Variants in INPP5A observed in about 807,000 individuals in gnomAD.
INPP5A encodes the protein inositol polyphosphate-5-phosphatase A.
Under a neutral mutation model 65.2 loss-of-function variants are expected in INPP5A, and 14 were observed. That is an observed-to-expected ratio of 0.21 (90% CI 0.14 to 0.34). The LOEUF is 0.34. Ranked by LOEUF, INPP5A falls within the 10% of genes least tolerant of loss-of-function variation. The pLI is 1.00. For missense variants in INPP5A, 431 were observed against 545.6 expected, an observed-to-expected ratio of 0.79 and a Z score of 2.09; for synonymous variants, 207 against 208.3, an observed-to-expected ratio of 0.99 and a Z score of 0.05.
intron 12 of INPP5A, among the ~76,000 whole-genome samples, chr10:132,773,847 A>C (rs1846998476): frequency 6.6e-6 from 1 of 152,148 alleles, no homozygotes; most frequent in Non-Finnish European, 1.5e-5. Context: ...CTGCAGCCCC[A>C]TCTTCTGGGC....
At chr10:132,719,164 C>T (rs1435210144) in intron 8 of INPP5A, among the ~76,000 whole-genome samples, 3 of 147,952 alleles carry the variant, frequency 2.0e-5, no homozygotes, top group South Asian at 2.2e-4. Flanking sequence ...GTGCCTTAGA[C>T]GGCTGTCTTG....
intron 1 of INPP5A, among the ~76,000 whole-genome samples, chr10:132,542,653 A>G (rs2070921564): frequency 6.6e-6 from 1 of 152,156 alleles, no homozygotes; most frequent in Admixed American, 6.5e-5. Flanking sequence ...AGCAGGGCCC[A>G]GGGCTGGGTG....
intron 1 of INPP5A, among the ~76,000 whole-genome samples, chr10:132,595,024 A>G (rs2071666873): frequency 6.6e-6 from 1 of 152,260 alleles, no homozygotes; most frequent in South Asian, 2.1e-4. Context: ...AAAATAAAGA[A>G]GAGAAAAAGA....
chr10:132,735,999 C>T (rs1367830919), intron 9 of INPP5A, among the ~76,000 whole-genome samples: 10 of 152,322 alleles, frequency 6.6e-5, no homozygotes, highest in South Asian at 2.1e-4. Flanking sequence ...CCCAGGAATG[C>T]GCAGCCTCCT....
At chr10:132,689,736 T>C (rs1369384903) in intron 4 of INPP5A, among the ~76,000 whole-genome samples, 2 of 152,226 alleles carry the variant, frequency 1.3e-5, no homozygotes, top group Admixed American at 1.3e-4. Context: ...CAAGTAACTG[T>C]CTGTGTGGTA....
At chr10:132,618,194 T>C (rs2072065839) in intron 2 of INPP5A, among the ~76,000 whole-genome samples, 1 of 152,230 alleles carries the variant, frequency 6.6e-6, no homozygotes, top group African/African-American at 2.4e-5. Flanking sequence ...ATGTTGTTTA[T>C]TTATCAGGGA....
intron 2 of INPP5A, among the ~76,000 whole-genome samples, chr10:132,643,908 A>C (rs2072459273): frequency 6.6e-6 from 1 of 151,942 alleles, no homozygotes; most frequent in African/African-American, 2.4e-5. Flanking sequence ...GTGGTGTCCT[A>C]GGGCGTGTAG....
chr10:132,635,385 G>GTTTTTTTTTTTTTTT (rs1564943179), intron 2 of INPP5A, among the ~76,000 whole-genome samples: 1 of 40,134 alleles, frequency 2.5e-5, no homozygotes, highest in Non-Finnish European at 4.8e-5. Context: ...CCTTTTTAAA[G>GTTTTTTTTTTTTTTT]ATTTTTTTTT....
At chr10:132,765,389 C>T (rs1846824130) in intron 11 of INPP5A, among the ~76,000 whole-genome samples, 1 of 152,232 alleles carries the variant, frequency 6.6e-6, no homozygotes, top group Admixed American at 6.5e-5. Context: ...CTGCAGGTTA[C>T]TTGACACTCT....
chr10:132,755,132 T>G (rs1846571492), intron 11 of INPP5A, among the ~76,000 whole-genome samples: 1 of 151,820 alleles, frequency 6.6e-6, no homozygotes, highest in African/African-American at 2.4e-5. Flanking sequence ...TGAGCAGGTG[T>G]GTCAGCATGT....
Position 132,762,605 on chromosome 10 carries a change from T to G in INPP5A, c.904-3168T>G, listed in dbSNP as rs914462605. 6.6e-6 allele frequency among the ~76,000 whole-genome samples: 1 copy of G among 152,132 alleles called. No individual in the cohort carries two copies. Among genetic ancestry groups the G allele is most frequent in the South Asian group, 2.1e-4 (1 of 4,800 alleles). The stretch of plus-strand genomic sequence containing the variant: ...ACAGAGAACCAGGAGTAGCTGAGCT[T>G]CTGGAGCAGGGTGGGATGAAGAAGG... On this transcript the variant is annotated intron_variant, in intron 11 of 15. Coordinates refer to ENST00000368594, the MANE Select transcript of INPP5A (RefSeq NM_005539.5). This position sits in a 1 kb window ranked among gnomAD's most constrained non-coding sequence, Gnocchi z 4.6.
At chr10:132,592,344 G>T (rs2071629493) in intron 1 of INPP5A, among the ~76,000 whole-genome samples, 1 of 152,230 alleles carries the variant, frequency 6.6e-6, no homozygotes, top group Non-Finnish European at 1.5e-5. Context: ...TTCGGGGAAA[G>T]GTTTAAATTG....
rs2071804738 is a variant in INPP5A at position 132,603,785 on chromosome 10, C to T, written c.76-4130C>T. On this transcript the variant is annotated intron_variant, in intron 1 of 15. Transcript: ENST00000368594. This position sits in a 1 kb window ranked among gnomAD's most constrained non-coding sequence, Gnocchi z 4.2. ...TAGTTTGTAACAGAGACACTCTGTT[C>T]CACCTTTCCCTGCCTCCGTTTTCAG... Among the ~76,000 whole-genome samples, 1 of 152,140 alleles carries T rather than the reference C, an allele frequency of 6.6e-6. No homozygotes were observed. Among genetic ancestry groups the T allele is most frequent in the African/African-American group, 2.4e-5 (1 of 41,418 alleles).
chr10:132,701,725 CTG>C (rs1845440600), intron 6 of INPP5A, among the ~76,000 whole-genome samples: 1 of 152,124 alleles, frequency 6.6e-6, no homozygotes, highest in South Asian at 2.1e-4. Flanking sequence ...GCTGATGACT[CTG>C]GGGACCTCCT....
At chr10:132,540,749 C>T (rs1186031658) in intron 1 of INPP5A, among the ~76,000 whole-genome samples, 1 of 152,244 alleles carries the variant, frequency 6.6e-6, no homozygotes, top group Non-Finnish European at 1.5e-5. Context: ...GACGAACGCA[C>T]CCTGCAGGCA....
At chr10:132,717,502 G>A (rs1052388470) in intron 8 of INPP5A, among the ~76,000 whole-genome samples, 1 of 151,584 alleles carries the variant, frequency 6.6e-6, no homozygotes, top group Admixed American at 6.5e-5. Flanking sequence ...ATCTGCCTGG[G>A]TTCTGCCTGG....
rs2134701854 is a variant in INPP5A at position 132,782,454 on chromosome 10, A to T, written c.*425A>T. 4.7e-6 allele frequency: 1 copy of T among 210,658 alleles called. No individual in the cohort carries two copies. Among genetic ancestry groups the T allele is most frequent in the East Asian group, 1.2e-4 (1 of 8,268 alleles). 13.0% of individuals were successfully genotyped at this position (210,658 alleles called of 1,614,324 possible). A position where few individuals can be genotyped will look rare whatever the true frequency, so the allele number is the denominator to read the frequency against. ...GTGTCCAGGGGCTGGGGAAGCCGAGACGGGCACTCCCTCTGCCGGCCGGCA... is the reference window on the plus strand; with the variant it reads ...GTGTCCAGGGGCTGGGGAAGCCGAGTCGGGCACTCCCTCTGCCGGCCGGCA... On this transcript the variant is annotated 3_prime_UTR_variant, in exon 16 of 16. Transcript: ENST00000368594. The surrounding 1 kb of genome is among the most constrained non-coding windows in gnomAD (Gnocchi z 4.4).
intron 1 of INPP5A, among the ~76,000 whole-genome samples, chr10:132,582,141 A>G (rs1347709199): frequency 6.6e-6 from 1 of 151,856 alleles, no homozygotes; most frequent in Non-Finnish European, 1.5e-5. Context: ...GCCCGGCCTC[A>G]TTTTCTTAAT....
intron 9 of INPP5A, among the ~76,000 whole-genome samples, chr10:132,734,470 C>T (rs1301870314): frequency 2.0e-5 from 3 of 152,242 alleles, no homozygotes; most frequent in East Asian, 3.8e-4. Flanking sequence ...GGGCAGAGTG[C>T]GGATTCGCAG....
Sources: gnomAD v4.1 joint callset for allele counts (sites outside exome capture counted in the v4.1 genomes callset) on GRCh38, gnomAD v4.1.1 for gene constraint, Gnocchi (gnomAD v3.1) non-coding constraint, MANE v1.5 for transcripts, NCBI Gene and HGNC (gene_info 2026-07-23, HGNC 2026-07-21) for gene names.